The following MDGA2 variants were observed in gnomAD, a reference collection of about 807,000 sequenced individuals.
The protein encoded by MDGA2 is MAM domain-containing glycosylphosphatidylinositol anchor protein 2.
Under a neutral mutation model 117.8 loss-of-function variants are expected in MDGA2, and 40 were observed. The observed-to-expected ratio is 0.34, with a 90% CI of 0.26 to 0.44. The LOEUF (loss-of-function observed/expected upper bound fraction) is 0.44, where lower values mean the gene tolerates loss of function less well. MDGA2 is among the 20% of genes least tolerant of loss of function. The probability of loss-of-function intolerance (pLI) is 1.00; values close to 1 mark genes in which losing one functional copy is unlikely to be tolerated. For synonymous variants in MDGA2, 452 were observed against 439.0 expected (o/e 1.03, Z -0.37); for missense variants, 1,123 against 1,250.6 (o/e 0.90, Z 1.54).
chr14:47,449,037 C>T (rs1230199871), intron 1 of MDGA2, among the ~76,000 whole-genome samples: 1 of 152,078 alleles, frequency 6.6e-6, no homozygotes, highest in Non-Finnish European at 1.5e-5. Context: ...AAGCATTTCT[C>T]CAGTTCTTTC....
intron 1 of MDGA2, among the ~76,000 whole-genome samples, chr14:47,378,714 A>T (rs966175017): frequency 1.3e-5 from 2 of 152,224 alleles, no homozygotes; most frequent in African/African-American, 4.8e-5. Flanking sequence ...ATATGGGACT[A>T]TGTGAAAAGA....
chr14:47,263,379 C>A (rs1157652815), intron 2 of MDGA2, among the ~76,000 whole-genome samples: 1 of 152,018 alleles, frequency 6.6e-6, no homozygotes, highest in Non-Finnish European at 1.5e-5. Context: ...ATTCAGGACA[C>A]AACTAAATAG....
At chr14:46,964,612 A>G (rs920146785) in intron 8 of MDGA2, among the ~76,000 whole-genome samples, 4 of 152,218 alleles carry the variant, frequency 2.6e-5, no homozygotes, top group Non-Finnish European at 5.9e-5. Flanking sequence ...CGTTTCAGTT[A>G]ATGAACAGCA....
At chr14:47,406,332 T>C (rs1470307776) in intron 1 of MDGA2, among the ~76,000 whole-genome samples, 3 of 152,004 alleles carry the variant, frequency 2.0e-5, no homozygotes, top group African/African-American at 7.2e-5. Context: ...ATAAAAACAA[T>C]ACAAATTTCT....
At chr14:47,302,544 G>A (rs1008087255) in intron 1 of MDGA2, among the ~76,000 whole-genome samples, 3 of 152,074 alleles carry the variant, frequency 2.0e-5, no homozygotes, top group African/African-American at 7.2e-5. Flanking sequence ...AACCTAAACA[G>A]TAGTATTACT....
intron 1 of MDGA2, among the ~76,000 whole-genome samples, chr14:47,374,048 G>A (rs1891423829): frequency 6.6e-6 from 1 of 152,074 alleles, no homozygotes; most frequent in Non-Finnish European, 1.5e-5. Context: ...TTTGGGATGA[G>A]AAAATATCTT....
At chr14:47,233,822 C>T (rs940439890) in intron 2 of MDGA2, among the ~76,000 whole-genome samples, 2 of 152,034 alleles carry the variant, frequency 1.3e-5, no homozygotes, top group African/African-American at 4.8e-5. Context: ...CATTTCACTC[C>T]CACCACAAGG....
chr14:47,359,322 C>T (rs1438319613), intron 1 of MDGA2, among the ~76,000 whole-genome samples: 1 of 152,072 alleles, frequency 6.6e-6, no homozygotes, highest in Admixed American at 6.5e-5. Flanking sequence ...CCACTGCACT[C>T]CAACCTGGTG....
chr14:47,343,189 A>C, intron 1 of MDGA2: 2 of 1,134,904 alleles, frequency 1.8e-6, no homozygotes, highest in Non-Finnish European at 2.2e-6. Context: ...GTACAGGCTC[A>C]AGCTATTAAA....
In MDGA2 at chr14:47,578,909, T is replaced by C. The variant is rs8012968; in HGVS notation, c.280+95608A>G. 8.7e-3 allele frequency among the ~76,000 whole-genome samples: 1,325 copies of C among 152,268 alleles called. 16 individuals carry two copies. The highest frequency in any genetic ancestry group is 0.03 in the African/African-American group (1,238 of 41,570). On this transcript the variant is annotated intron_variant, in intron 1 of 16. Transcript: ENST00000399232. ...GCAATGAATTTATTCTTGCTTTAGTTGAAAGATTTTCTTAAGGCAAACTTC... is the reference window on the plus strand; with the variant it reads ...GCAATGAATTTATTCTTGCTTTAGTCGAAAGATTTTCTTAAGGCAAACTTC...
rs116989920 is a variant in MDGA2 at position 47,424,953 on chromosome 14, G to C, written c.281-123403C>G. Among the ~76,000 whole-genome samples, 14 of 152,280 alleles carry C rather than the reference G, an allele frequency of 9.2e-5. No individual in the cohort carries two copies. The East Asian group carries it at 2.7e-3, about 29-fold the overall frequency. ...GGTACGTTGCAGGAGAAGGCAATCT[G>C]AAGTGTGGAGAGAAAGGTGGGGGAT... On this transcript the variant is annotated intron_variant, in intron 1 of 16. Coordinates refer to ENST00000399232, the MANE Select transcript of MDGA2 (RefSeq NM_001113498.3).
intron 1 of MDGA2, among the ~76,000 whole-genome samples, chr14:47,316,287 C>T (rs982421124): frequency 1.3e-5 from 2 of 151,960 alleles, no homozygotes; most frequent in African/African-American, 4.8e-5. Context: ...TTGCTCATTA[C>T]TAAAAAACAT....
At chr14:46,890,891 C>T (rs1882855093) in intron 10 of MDGA2, among the ~76,000 whole-genome samples, 1 of 151,998 alleles carries the variant, frequency 6.6e-6, no homozygotes, top group South Asian at 2.1e-4. Flanking sequence ...AAACTTCCTA[C>T]ATAAATTAAG....
chr14:47,610,684 T>C (rs1342162491), intron 1 of MDGA2, among the ~76,000 whole-genome samples: 3 of 151,822 alleles, frequency 2.0e-5, no homozygotes, highest in Non-Finnish European at 4.4e-5. Flanking sequence ...AAATAATAGA[T>C]GACACAAACA....
intron 1 of MDGA2, among the ~76,000 whole-genome samples, chr14:47,617,237 G>A (rs1367208345): frequency 4.0e-5 from 6 of 150,156 alleles, no homozygotes; most frequent in African/African-American, 1.5e-4. Flanking sequence ...ACGGAGGCTC[G>A]CTCTGTCGCC....
intron 3 of MDGA2, among the ~76,000 whole-genome samples, chr14:47,153,844 G>A (rs1883260793): frequency 6.6e-6 from 1 of 152,122 alleles, no homozygotes; most frequent in South Asian, 2.1e-4. Flanking sequence ...GGAGAGGTTG[G>A]AGAGCAGAAT....
chr14:47,141,101 C>T (rs1428702699), intron 4 of MDGA2, among the ~76,000 whole-genome samples: 2 of 152,092 alleles, frequency 1.3e-5, no homozygotes, highest in Non-Finnish European at 2.9e-5. Context: ...TGAGCTATCA[C>T]CTCCCTCCCA....
intron 5 of MDGA2, among the ~76,000 whole-genome samples, chr14:47,116,430 C>A (rs564094077): frequency 2.6e-5 from 4 of 152,036 alleles, no homozygotes; most frequent in African/African-American, 9.6e-5. Context: ...TCATATGGAA[C>A]CACAAAAACC....
chr14:47,191,133 T>C (rs923176329), intron 3 of MDGA2, among the ~76,000 whole-genome samples: 3 of 152,050 alleles, frequency 2.0e-5, no homozygotes, highest in Non-Finnish European at 2.9e-5. Context: ...AACATATATA[T>C]ACATATCTGT....
Sources: gnomAD v4.1 joint callset for allele counts (sites outside exome capture counted in the v4.1 genomes callset) on GRCh38, gnomAD v4.1.1 for gene constraint, MANE v1.5 for transcripts, NCBI Gene and HGNC (gene_info 2026-07-23, HGNC 2026-07-21) for gene names.